The following THSD4 variants were observed in gnomAD, a reference collection of about 807,000 sequenced individuals.
The protein encoded by THSD4 is thrombospondin type-1 domain-containing protein 4.
In THSD4, 69 loss-of-function variants were observed where a neutral mutation model predicts 119.0. The observed-to-expected ratio is 0.58, with a 90% CI of 0.48 to 0.71. THSD4 has a LOEUF of 0.71. Among genes scored for constraint, THSD4 ranks in the 30% least tolerant of loss-of-function variants. The probability of loss-of-function intolerance (pLI) is 0.00; values close to 1 mark genes in which losing one functional copy is unlikely to be tolerated. For missense variants in THSD4, 1,393 were observed against 1,391.1 expected, an observed-to-expected ratio of 1.00 and a Z score of -0.02; for synonymous variants, 524 against 540.4, an observed-to-expected ratio of 0.97 and a Z score of 0.42.
At chr15:71,664,115 T>C (rs2051366689) in intron 8 of THSD4, among the ~76,000 whole-genome samples, 1 of 152,006 alleles carries the variant, frequency 6.6e-6, no homozygotes, top group African/African-American at 2.4e-5. Context: ...CCCGAGTAGC[T>C]GGGACTACAG....
At chr15:71,197,929 C>A (rs1387282722) in intron 3 of THSD4, among the ~76,000 whole-genome samples, 1 of 152,084 alleles carries the variant, frequency 6.6e-6, no homozygotes, top group Non-Finnish European at 1.5e-5. Context: ...AATGGAAAGG[C>A]TCTCAGAGGA....
chr15:71,256,770 T>A lies in THSD4; in HGVS notation c.1015+55T>A. 4.0e-6 allele frequency: 6 copies of A among 1,514,988 alleles called. 1 individual carries two copies. The South Asian group carries it at 6.8e-5, about 17-fold the overall frequency. 93.8% of individuals were successfully genotyped at this position (1,514,988 alleles called of 1,614,324 possible). On this transcript the variant is annotated intron_variant, in intron 6 of 17. Coordinates refer to ENST00000261862, the MANE Select transcript of THSD4 (RefSeq NM_024817.3). Reference sequence around the variant, plus strand: ...AGTTACTTTAGTCTGTTTTCCATTCTTGTTGACTTCTGATTGATGTTGGAG... The same window carrying A: ...AGTTACTTTAGTCTGTTTTCCATTCATGTTGACTTCTGATTGATGTTGGAG...
At chr15:71,678,235 A>G (rs562094877) in intron 8 of THSD4, among the ~76,000 whole-genome samples, 126 of 152,370 alleles carry the variant, frequency 8.3e-4, no homozygotes, top group African/African-American at 3.0e-3. Flanking sequence ...GGGAACTAAT[A>G]CAAGCTAAGC....
intron 6 of THSD4, among the ~76,000 whole-genome samples, chr15:71,262,221 C>A (rs1166822431): frequency 6.6e-6 from 1 of 152,158 alleles, no homozygotes; most frequent in Non-Finnish European, 1.5e-5. Flanking sequence ...AATTGCATTT[C>A]CTGGATTTGG....
rs1366454551 is a variant in THSD4 at position 71,215,149 on chromosome 15, G to A, written c.214G>A (p.Gly72Ser). 2 of 1,372,366 alleles carry A rather than the reference G, an allele frequency of 1.5e-6. No homozygotes were observed. The highest frequency in any genetic ancestry group is 1.5e-5 in the African/African-American group (1 of 65,868). 85.0% of individuals were successfully genotyped at this position (1,372,366 alleles called of 1,614,324 possible). The part of the protein sequence containing the change: ...WSACSRSCSG[G>S]VMEQTRPCLP... ...GGCCTGCTCGCGTAGCTGCAGCGGC[G>A]GCGTGATGGAGCAGACGCGGCCCTG... The change falls in exon 4 of 18, where the codon GGC becomes AGC. Residue 72 changes from glycine (G) to serine (S), a missense_variant. Gly to Ser is a moderately conservative substitution (Grantham distance 56). Coordinates refer to ENST00000261862, the MANE Select transcript of THSD4 (RefSeq NM_024817.3).
At chr15:71,493,473 G>A (rs2047956451) in intron 7 of THSD4, among the ~76,000 whole-genome samples, 1 of 152,170 alleles carries the variant, frequency 6.6e-6, no homozygotes, top group South Asian at 2.1e-4. Context: ...CATCTGTGTG[G>A]AAAATGTAGC....
chr15:71,298,649 G>C (rs2044900575), intron 6 of THSD4, among the ~76,000 whole-genome samples: 1 of 121,600 alleles, frequency 8.2e-6, no homozygotes, highest in South Asian at 2.5e-4. Context: ...GTCTTGCTCT[G>C]TTGCTCAGGC....
intron 4 of THSD4, among the ~76,000 whole-genome samples, chr15:71,227,215 A>C (rs570612509): frequency 6.6e-6 from 1 of 152,340 alleles, no homozygotes; most frequent in South Asian, 2.1e-4. Flanking sequence ...TATTTCATTA[A>C]GTGTCAGAAG....
intron 6 of THSD4, among the ~76,000 whole-genome samples, chr15:71,318,820 C>A (rs1423824297): frequency 6.6e-6 from 1 of 152,116 alleles, no homozygotes; most frequent in Non-Finnish European, 1.5e-5. Context: ...CAAGTGTGAA[C>A]CTGAGAGGCA....
chr15:71,510,382 C>A (rs2048261336), intron 7 of THSD4, among the ~76,000 whole-genome samples: 1 of 152,226 alleles, frequency 6.6e-6, no homozygotes, highest in Non-Finnish European at 1.5e-5. Flanking sequence ...AAAGTGCCTG[C>A]CCTCATGGAG....
intron 7 of THSD4, among the ~76,000 whole-genome samples, chr15:71,604,994 G>A (rs2050082159): frequency 1.3e-5 from 2 of 151,954 alleles, no homozygotes; most frequent in Non-Finnish European, 2.9e-5. Flanking sequence ...AGACCTTTTT[G>A]GGAAGGCAGT....
chr15:71,747,112 C>A, intron 13 of THSD4, 70 bp downstream of exon 13: 1 of 1,505,786 alleles, frequency 6.6e-7, no homozygotes, highest in Non-Finnish European at 8.9e-7. Context: ...GCCTCCCCCA[C>A]CAAGACCTGA....
At position 71,682,982 on chromosome 15, in the gene THSD4, G is replaced by T. The variant is rs558847776; in HGVS notation, c.1357+22248G>T. On this transcript the variant is annotated intron_variant, in intron 8 of 17. Transcript: ENST00000261862. ...TTTGCCCAGTCTGGAGTGCAGTGGT[G>T]CAATCATGGCTCACTGCAGCCTCAA... is the stretch of plus-strand genomic sequence containing the variant. Among the ~76,000 whole-genome samples, 36 of 139,202 alleles carry T rather than the reference G, an allele frequency of 2.6e-4. No homozygotes were observed. In the South Asian group the frequency reaches 6.7e-3, roughly 26 times the overall value. The allele number at this position is 139,202 out of a possible 152,430, so 91.3% of individuals were successfully genotyped here.
At chr15:71,631,641 A>G (rs570686845) in intron 7 of THSD4, among the ~76,000 whole-genome samples, 1 of 152,322 alleles carries the variant, frequency 6.6e-6, no homozygotes, top group African/African-American at 2.4e-5. Flanking sequence ...TGAGTCTTTG[A>G]GGCCTCAGAG....
At chr15:71,459,386 CTCTCTCTCTCTCTCTCTCTG>C (rs2047393012) in intron 7 of THSD4, among the ~76,000 whole-genome samples, 1 of 138,364 alleles carries the variant, frequency 7.2e-6, no homozygotes, top group African/African-American at 2.5e-5. Context: ...CTCTGTCTCT[CTCTCTCTCTCTCTCTCTCTG>C]TCTCTCTCTC....
chr15:71,532,263 T>TGAGA (rs112859786), intron 7 of THSD4, among the ~76,000 whole-genome samples: 4,256 of 71,648 alleles, frequency 0.059, 281 homozygotes, highest in Middle Eastern at 0.12. Flanking sequence ...CAACAAAGGG[T>TGAGA]GAGAGAGAGA....
intron 7 of THSD4, among the ~76,000 whole-genome samples, chr15:71,652,920 A>G (rs2051120444): frequency 6.6e-6 from 1 of 152,192 alleles, no homozygotes; most frequent in Non-Finnish European, 1.5e-5. Context: ...TCCTGTTTCC[A>G]ATTTAATTTT....
chr15:71,586,689 A>G (rs539133670), intron 7 of THSD4, among the ~76,000 whole-genome samples: 10 of 152,358 alleles, frequency 6.6e-5, no homozygotes, highest in African/African-American at 1.2e-4. Flanking sequence ...CTGAAGGTCA[A>G]CTGTGCCATT....
chr15:71,173,261 T>C (rs548966783), intron 3 of THSD4, among the ~76,000 whole-genome samples: 39 of 152,152 alleles, frequency 2.6e-4, no homozygotes, highest in African/African-American at 9.4e-4. Flanking sequence ...AAGTAAACAA[T>C]TCTATTTACA....
Sources: allele counts gnomAD v4.1 joint callset (sites outside exome capture counted in the v4.1 genomes callset), GRCh38; gene constraint gnomAD v4.1.1; transcripts MANE v1.5; gene names NCBI Gene and HGNC (gene_info 2026-07-23, HGNC 2026-07-21).